STX2: variants seen among roughly 807,000 people sequenced by gnomAD.
STX2 encodes the protein syntaxin-2.
Under a neutral mutation model 40.6 loss-of-function variants are expected in STX2, and 27 were observed. That is an observed-to-expected ratio of 0.66 (90% confidence interval 0.49 to 0.92). The LOEUF (loss-of-function observed/expected upper bound fraction) is 0.92, where lower values mean the gene tolerates loss of function less well. Among genes scored for constraint, STX2 ranks in the 40% least tolerant of loss-of-function variants. The pLI, the probability that STX2 is intolerant of heterozygous loss-of-function variation, is 0.00. For synonymous variants in STX2, 123 were observed against 119.1 expected (o/e 1.03, Z -0.22); for missense variants, 328 against 366.1 (o/e 0.90, Z 0.85).
rs771886005 is a variant in STX2 at position 130,801,468 on chromosome 12, C to G, written c.484G>C (p.Asp162His). The G allele has an allele frequency of 2.5e-6, 4 of 1,607,416 alleles. No individual in the cohort carries two copies. Among genetic ancestry groups the G allele is most frequent in the East Asian group, 2.2e-5 (1 of 44,746 alleles). The change falls in exon 7 of 11, where the codon GAC (aspartate) becomes CAC (histidine). Residue 162 changes from aspartate to histidine, a missense_variant. By Grantham distance (81) the Asp-to-His change is moderately conservative. Transcript: ENST00000392373. ...CTCTCCAGCATCTCTTCTAGCTCGT[C>G]GTCTGTGGTGGTTCTCCCAGCTGAA... ...LEITGRTTTDDELEEMLESGK... is the reference protein window; with the variant it reads ...LEITGRTTTDHELEEMLESGK...
At chr12:130,834,925 G>A (rs541825637) in intron 1 of STX2, among the ~76,000 whole-genome samples, 11 of 152,274 alleles carry the variant, frequency 7.2e-5, no homozygotes, top group South Asian at 2.1e-4. Flanking sequence ...TCTGCACTAC[G>A]TGGACAAACA....
At chr12:130,818,186 ATATATAT>A (rs1206065991) in intron 3 of STX2, among the ~76,000 whole-genome samples, 2,076 of 62,148 alleles carry the variant, frequency 0.033, 44 homozygotes, top group African/African-American at 0.047. Flanking sequence ...AAAAAAAAAA[ATATATAT>A]ATATATATAT....
At chr12:130,838,596 G>A (rs1952817954) in intron 1 of STX2, among the ~76,000 whole-genome samples, 5 of 152,182 alleles carry the variant, frequency 3.3e-5, no homozygotes, top group Admixed American at 3.3e-4. Context: ...AAGCCCCAGG[G>A]ATAAAGCAGC....
At chr12:130,803,485 A>T (rs1388003015) in intron 6 of STX2, among the ~76,000 whole-genome samples, 1 of 152,052 alleles carries the variant, frequency 6.6e-6, no homozygotes, top group Non-Finnish European at 1.5e-5. Flanking sequence ...CTTGGGCAAC[A>T]TAGTGAAAAC....
In STX2 at chr12:130,798,617, T is replaced by A. The variant is rs141691590; in HGVS notation, c.694A>T (p.Ile232Leu). 1 of 1,596,476 alleles carries A rather than the reference T, an allele frequency of 6.3e-7. No individual in the cohort carries two copies. The highest frequency in any genetic ancestry group is 1.1e-5 in the South Asian group (1 of 87,156). ...GTGGCATTCATAACATTTCTTTCTA[T>A]GTTGTTGATCATTTCACCCTTAAAA... is the stretch of plus-strand genomic sequence containing the variant. ...VETQGEMINN[I>L]ERNVMNATDY... Residue 232 changes from isoleucine (I) to leucine (L), a missense_variant, in exon 9 of 11, where the codon ATA (isoleucine) becomes TTA (leucine). Physicochemically the swap from Ile to Leu is conservative, Grantham distance 5. Coordinates refer to ENST00000392373, the MANE Select transcript of STX2 (RefSeq NM_194356.4).
At chr12:130,818,185 A>AAATATATATATATATATATATAT in intron 3 of STX2, among the ~76,000 whole-genome samples, 7 of 70,540 alleles carry the variant, frequency 9.9e-5, no homozygotes, top group African/African-American at 1.2e-4. Flanking sequence ...AAAAAAAAAA[A>AAATATATATATATATATATATAT]ATATATATAT....
chr12:130,794,304 C>T (rs1423953763), intron 10 of STX2, among the ~76,000 whole-genome samples: 4 of 151,430 alleles, frequency 2.6e-5, no homozygotes, highest in South Asian at 4.1e-4. Flanking sequence ...CACAAACATC[C>T]TGCCTAATAA....
chr12:130,797,986 G>A lies in STX2; in HGVS notation c.786+539C>T, dbSNP rs553132888. Among the ~76,000 whole-genome samples the A allele has an allele frequency of 2.6e-5, 4 of 152,320 alleles. No homozygotes were observed. The East Asian group carries it at 7.7e-4, about 29-fold the overall frequency. ...TTTGGTGCCAGGCACCGTGCCTCAC[G>A]CCTGTAATCCCAGCACTTTGGAAGG... On this transcript the variant is annotated intron_variant, in intron 9 of 10. Coordinates refer to ENST00000392373, the MANE Select transcript of STX2 (RefSeq NM_194356.4).
At chr12:130,811,004 A>G (rs1393104294) in intron 4 of STX2, 1 of 152,172 alleles carries the variant, frequency 6.6e-6, no homozygotes, top group East Asian at 1.9e-4. Context: ...AAATTCTCCA[A>G]ACTACCCAAT....
At chr12:130,793,393 C>A (rs1055915617) in intron 10 of STX2, among the ~76,000 whole-genome samples, 1 of 152,188 alleles carries the variant, frequency 6.6e-6, no homozygotes, top group Non-Finnish European at 1.5e-5. Context: ...CAGAGGGAGG[C>A]GCGCGCCCTC....
Position 130,801,450 on chromosome 12 carries a change from G to T in STX2, c.502C>A (p.Leu168Met), listed in dbSNP as rs781562045. 6.2e-7 allele frequency: 1 copy of T among 1,611,206 alleles called. No homozygotes were observed. Among genetic ancestry groups the T allele is most frequent in the South Asian group, 1.1e-5 (1 of 90,550 alleles). The change falls in exon 7 of 11, where the codon CTG becomes ATG. Residue 168 changes from leucine (L) to methionine (M), a missense_variant. Leu to Met is a conservative substitution (Grantham distance 15). Transcript: ENST00000392373. ...AAGATGGATGGCTTCCCGCTCTCCAGCATCTCTTCTAGCTCGTCGTCTGTG... is the reference window on the plus strand; with the variant it reads ...AAGATGGATGGCTTCCCGCTCTCCATCATCTCTTCTAGCTCGTCGTCTGTG... ...TTTDDELEEM[L>M]ESGKPSIFTS...
intron 1 of STX2, among the ~76,000 whole-genome samples, chr12:130,838,412 G>C (rs1308617815): frequency 1.3e-5 from 2 of 152,182 alleles, no homozygotes. Context: ...CCCGGCTGCT[G>C]GGCGCGTAAG....
chr12:130,818,915 C>T (rs1593166589), intron 3 of STX2, among the ~76,000 whole-genome samples: 1 of 152,208 alleles, frequency 6.6e-6, no homozygotes, highest in Admixed American at 6.5e-5. Context: ...ACACTTCATG[C>T]TCCTGCAGGG....
intron 6 of STX2, 51 bp downstream of exon 6, chr12:130,806,931 C>T (rs1449456421): frequency 6.5e-7 from 1 of 1,528,302 alleles, no homozygotes; most frequent in Non-Finnish European, 9.1e-7. Flanking sequence ...GAAGTGAGAC[C>T]TTAAGGGAGA....
intron 3 of STX2, among the ~76,000 whole-genome samples, chr12:130,819,967 A>C (rs1391510935): frequency 6.6e-6 from 1 of 152,268 alleles, no homozygotes; most frequent in East Asian, 1.9e-4. Context: ...ACAGAGGCTC[A>C]GAATATTATT....
At chr12:130,817,020 G>T (rs1951883504) in intron 3 of STX2, among the ~76,000 whole-genome samples, 1 of 151,178 alleles carries the variant, frequency 6.6e-6, no homozygotes, top group Admixed American at 6.6e-5. Context: ...TCTTTAAAAA[G>T]AAAATACCAT....
rs1013710188 is a variant in STX2 at position 130,807,502 on chromosome 12, G to C, written c.355-412C>G. Reference sequence around the variant, plus strand: ...CTTCATCGCCTTGTGCCCATGAGGGGACCCAGGCAGGCGGACCCCAGAGCC... The same window carrying C: ...CTTCATCGCCTTGTGCCCATGAGGGCACCCAGGCAGGCGGACCCCAGAGCC... On this transcript the variant is annotated intron_variant, in intron 5 of 10. Transcript: ENST00000392373. 2.7e-5 allele frequency among the ~76,000 whole-genome samples: 4 copies of C among 150,166 alleles called. No homozygotes were observed. The East Asian group carries it at 8.0e-4, about 30-fold the overall frequency.
chr12:130,813,373 C>T (rs1426289934), intron 3 of STX2, among the ~76,000 whole-genome samples: 2 of 152,214 alleles, frequency 1.3e-5, no homozygotes, highest in South Asian at 2.1e-4. Context: ...AATGAAACTG[C>T]TGCCTAAATC....
chr12:130,818,170 C>CAAAAAAAAAAAAAAAAA (rs756794046), intron 3 of STX2, among the ~76,000 whole-genome samples: 1 of 49,860 alleles, frequency 2.0e-5, no homozygotes, highest in African/African-American at 1.6e-4. Flanking sequence ...GCTGTTTCTA[C>CAAAAAAAAAAAAAAAAA]AAAAAAAAAA....
Sources: gnomAD v4.1 joint callset for allele counts (sites outside exome capture counted in the v4.1 genomes callset) on GRCh38, gnomAD v4.1.1 for gene constraint, MANE v1.5 for transcripts, NCBI Gene and HGNC (gene_info 2026-07-23, HGNC 2026-07-21) for gene names.